The following BMPR2 variants were observed in gnomAD, a reference collection of about 807,000 sequenced individuals.
BMPR2 encodes the protein bone morphogenetic protein receptor type 2, also known as bone morphogenetic protein receptor type-2.
In BMPR2, 29 loss-of-function variants were observed where a neutral mutation model predicts 100.8. The ratio of observed to expected loss-of-function variants is 0.29; its 90% CI spans 0.21 to 0.39. The LOEUF (loss-of-function observed/expected upper bound fraction) is 0.39. BMPR2 is among the 10% of genes least tolerant of loss of function. The pLI is 1.00. For synonymous variants in BMPR2, 382 were observed against 442.3 expected, an observed-to-expected ratio of 0.86 and a Z score of 1.71; for missense variants, 1,011 against 1,274.5, an observed-to-expected ratio of 0.79 and a Z score of 3.15.
chr2:202,474,281 C>T (rs901455420), intron 3 of BMPR2, among the ~76,000 whole-genome samples: 1 of 151,800 alleles, frequency 6.6e-6, no homozygotes, highest in Non-Finnish European at 1.5e-5. Context: ...TGACGAAACC[C>T]CATCTCTACT....
chr2:202,410,007 C>T (rs1690981681), intron 1 of BMPR2, among the ~76,000 whole-genome samples: 1 of 151,248 alleles, frequency 6.6e-6, no homozygotes, highest in Non-Finnish European at 1.5e-5. Flanking sequence ...TTTTTTTTGA[C>T]AGTGTCTCAC....
chr2:202,476,191 A>G (rs979866937), intron 3 of BMPR2, among the ~76,000 whole-genome samples: 10 of 151,734 alleles, frequency 6.6e-5, no homozygotes, highest in Non-Finnish European at 1.5e-4. Context: ...GTTGCAGACT[A>G]TGAAATAATT....
intron 1 of BMPR2, among the ~76,000 whole-genome samples, chr2:202,404,959 G>A (rs945054759): frequency 6.6e-6 from 1 of 152,094 alleles, no homozygotes; most frequent in Non-Finnish European, 1.5e-5. Context: ...AAGTTGCTGG[G>A]AGTACAGGCG....
chr2:202,485,545 C>CTTTTATTTTTTTTTTTTTT (rs1692756804), intron 3 of BMPR2, among the ~76,000 whole-genome samples: 1 of 64,010 alleles, frequency 1.6e-5, no homozygotes, highest in African/African-American at 5.7e-5. Context: ...TTGCCTTTAT[C>CTTTTATTTTTTTTTTTTTT]TTTTTTTTTT....
chr2:202,424,423 C>T (rs1212981986), intron 1 of BMPR2, among the ~76,000 whole-genome samples: 1 of 148,398 alleles, frequency 6.7e-6, no homozygotes, highest in East Asian at 2.0e-4. Context: ...CTAGGTCTGG[C>T]GTGGTGGCTC....
chr2:202,382,880 C>T (rs1690331600), intron 1 of BMPR2, among the ~76,000 whole-genome samples: 1 of 152,156 alleles, frequency 6.6e-6, no homozygotes, highest in African/African-American at 2.4e-5. Context: ...CCCACTAGAC[C>T]TACTGAATCC....
intron 9 of BMPR2, among the ~76,000 whole-genome samples, chr2:202,533,845 T>C (rs1330116120): frequency 1.3e-5 from 2 of 152,126 alleles, no homozygotes; most frequent in African/African-American, 4.8e-5. Flanking sequence ...AGAATACTCA[T>C]TTAAGTGAAT....
chr2:202,441,003 G>A (rs886075223), intron 1 of BMPR2, among the ~76,000 whole-genome samples: 2 of 150,142 alleles, frequency 1.3e-5, no homozygotes, highest in African/African-American at 2.5e-5. Context: ...TCTTGGAGAC[G>A]GAGTCTTGCT....
chr2:202,376,770 C>T lies in BMPR2; in HGVS notation c.-705C>T, dbSNP rs367877912. On this transcript the variant is annotated 5_prime_UTR_variant, in exon 1 of 13. Transcript: ENST00000374580. ...CCGGACCGGGGCCGCGACCGCGACC[C>T]CTCCCCTCCCCCGCTCCTACCTCTC... is the stretch of plus-strand genomic sequence containing the variant. Among the ~76,000 whole-genome samples, 10 of 151,224 alleles carry T rather than the reference C, an allele frequency of 6.6e-5. No homozygotes were observed. Among genetic ancestry groups the T allele is most frequent in the African/African-American group, 2.4e-4 (10 of 41,204 alleles).
chr2:202,493,257 T>C (rs1038670137), intron 3 of BMPR2, among the ~76,000 whole-genome samples: 2 of 152,214 alleles, frequency 1.3e-5, no homozygotes, highest in Admixed American at 1.3e-4. Flanking sequence ...TGGACATTTC[T>C]TACTCAATTA....
chr2:202,393,746 CTG>C (rs1690596848), intron 1 of BMPR2, among the ~76,000 whole-genome samples: 1 of 152,064 alleles, frequency 6.6e-6, no homozygotes, highest in African/African-American at 2.4e-5. Flanking sequence ...AGAATATACT[CTG>C]TGGGTTGCAT....
At chr2:202,485,545 C>CTTTTTTTTTTTTTTTTTTTG (rs1692759097) in intron 3 of BMPR2, among the ~76,000 whole-genome samples, 1 of 64,010 alleles carries the variant, frequency 1.6e-5, no homozygotes, top group African/African-American at 5.7e-5. Context: ...TTGCCTTTAT[C>CTTTTTTTTTTTTTTTTTTTG]TTTTTTTTTT....
Position 202,567,018 on chromosome 2 carries a change from T to A in BMPR2, c.*7072T>A, listed in dbSNP as rs1408812773. On this transcript the variant is annotated 3_prime_UTR_variant, in exon 13 of 13. Transcript: ENST00000374580. Reference sequence around the variant, plus strand: ...AATTGCTTGACTTCTGTGGCTTTTCTTTTTCTGGCCACATTTATTTATTTA... The same window carrying A: ...AATTGCTTGACTTCTGTGGCTTTTCATTTTCTGGCCACATTTATTTATTTA... 1 of 152,238 alleles carries A rather than the reference T, an allele frequency of 6.6e-6. No homozygotes were observed. The highest frequency in any genetic ancestry group is 1.5e-5 in the Non-Finnish European group (1 of 68,034). 9.4% of individuals were successfully genotyped at this position (152,238 alleles called of 1,614,324 possible). A position where few individuals can be genotyped will look rare whatever the true frequency, so the allele number is the denominator to read the frequency against.
At position 202,558,231 on chromosome 2, in the gene BMPR2, G is replaced by C. The variant is rs1688616374; in HGVS notation, c.2867-1465G>C. Among the ~76,000 whole-genome samples, 2 of 152,132 alleles carry C rather than the reference G, an allele frequency of 1.3e-5. 1 individual carries two copies. The highest frequency in any genetic ancestry group is 2.9e-5 in the Non-Finnish European group (2 of 68,022). On this transcript the variant is annotated intron_variant, in intron 12 of 12. Coordinates refer to ENST00000374580, the MANE Select transcript of BMPR2 (RefSeq NM_001204.7). ...GGGTTCAAGTGATTCTCCTGCCTCA[G>C]CCTCCCGAGTAGCTGGGATTACAGA...
At chr2:202,543,795 A>G (rs1224619682) in intron 10 of BMPR2, among the ~76,000 whole-genome samples, 1 of 152,170 alleles carries the variant, frequency 6.6e-6, no homozygotes, top group East Asian at 1.9e-4. Flanking sequence ...AATTTTTGGT[A>G]TTATGATTAT....
chr2:202,477,942 C>G (rs1692583606), intron 3 of BMPR2, among the ~76,000 whole-genome samples: 2 of 152,026 alleles, frequency 1.3e-5, no homozygotes, highest in African/African-American at 4.8e-5. Context: ...CCGTTTTGCC[C>G]CCCTTTTACT....
At chr2:202,496,819 A>C (rs987498994) in intron 3 of BMPR2, among the ~76,000 whole-genome samples, 9 of 152,204 alleles carry the variant, frequency 5.9e-5, no homozygotes, top group African/African-American at 1.9e-4. Context: ...GCACTTGAGG[A>C]GCCCTTCAGC....
chr2:202,465,982 A>G (rs1375202046), intron 2 of BMPR2, among the ~76,000 whole-genome samples: 2 of 152,196 alleles, frequency 1.3e-5, no homozygotes, highest in African/African-American at 2.4e-5. Context: ...ACAACATATC[A>G]TTGTATATAT....
At chr2:202,494,609 G>A (rs1692980375) in intron 3 of BMPR2, among the ~76,000 whole-genome samples, 1 of 152,196 alleles carries the variant, frequency 6.6e-6, no homozygotes, top group African/African-American at 2.4e-5. Context: ...ACATTTGGCT[G>A]AGTATTTAAC....
Sources: gnomAD v4.1 joint callset for allele counts (sites outside exome capture counted in the v4.1 genomes callset) on GRCh38, gnomAD v4.1.1 for gene constraint, MANE v1.5 for transcripts, NCBI Gene and HGNC (gene_info 2026-07-23, HGNC 2026-07-21) for gene names.